Variants in MICU1 observed in about 807,000 individuals in gnomAD.
The protein encoded by MICU1 is mitochondrial calcium uptake 1, also known as calcium uptake protein 1, mitochondrial.
A neutral mutation model predicts 56.8 loss-of-function variants in MICU1; 45 were observed. The ratio of observed to expected loss-of-function variants is 0.79; its 90% CI spans 0.62 to 1.02. MICU1 has a LOEUF of 1.02. Ranked by LOEUF, MICU1 falls within the 50% of genes least tolerant of loss-of-function variation. The pLI is 0.00. For synonymous variants in MICU1, 186 were observed against 195.1 expected (o/e 0.95, Z 0.39); for missense variants, 504 against 587.1 (o/e 0.86, Z 1.46).
At chr10:72,535,141 T>C (rs1400204217) in intron 4 of MICU1, among the ~76,000 whole-genome samples, 1 of 151,718 alleles carries the variant, frequency 6.6e-6, no homozygotes, top group East Asian at 1.9e-4. Flanking sequence ...GTGATTCTCC[T>C]GCCTCGGCCT....
chr10:72,581,694 C>CA (rs1421555795), intron 1 of MICU1, among the ~76,000 whole-genome samples: 2 of 152,120 alleles, frequency 1.3e-5, no homozygotes, highest in African/African-American at 2.4e-5. Context: ...AGAGTAAATA[C>CA]AAAAAACTTA....
chr10:72,547,957 A>G (rs367551257), intron 4 of MICU1, among the ~76,000 whole-genome samples: 2 of 152,238 alleles, frequency 1.3e-5, no homozygotes, highest in South Asian at 4.1e-4. Flanking sequence ...GAAACCATGT[A>G]GTCTGTATAT....
intron 1 of MICU1, among the ~76,000 whole-genome samples, chr10:72,622,218 C>G (rs1470827577): frequency 6.7e-6 from 1 of 149,822 alleles, no homozygotes; most frequent in Non-Finnish European, 1.5e-5. Flanking sequence ...CCACCGCGCC[C>G]GGCCCCAAGT....
intron 8 of MICU1, among the ~76,000 whole-genome samples, chr10:72,442,268 G>C (rs1394500773): frequency 1.3e-5 from 2 of 152,000 alleles, no homozygotes; most frequent in African/African-American, 4.8e-5. Context: ...TCAGCCTCCT[G>C]AGTAGCTGGG....
At chr10:72,380,002 T>C (rs1862647252) in intron 10 of MICU1, among the ~76,000 whole-genome samples, 1 of 152,174 alleles carries the variant, frequency 6.6e-6, no homozygotes, top group South Asian at 2.1e-4. Flanking sequence ...ATGAGTGGGA[T>C]GACGGCAGAT....
In MICU1 at chr10:72,546,228, T is replaced by C. The variant is rs1461916765; in HGVS notation, c.493+4951A>G. On this transcript the variant is annotated intron_variant, in intron 4 of 11. Transcript: ENST00000361114. ...CATCAATGACTAAAGTTTCGGTCAA[T>C]CTCTCCATTGAGATGACCAAAAGAG... Among the ~76,000 whole-genome samples, 4 of 152,202 alleles carry C rather than the reference T, an allele frequency of 2.6e-5. No individual in the cohort carries two copies. The East Asian group carries it at 7.7e-4, about 29-fold the overall frequency.
intron 10 of MICU1, among the ~76,000 whole-genome samples, chr10:72,401,128 C>T (rs866649204): frequency 1.5e-4 from 23 of 151,762 alleles, no homozygotes; most frequent in South Asian, 1.5e-3. Flanking sequence ...AACAAACAGA[C>T]GCTATTTTAA....
intron 1 of MICU1, among the ~76,000 whole-genome samples, chr10:72,577,441 G>A (rs1293910027): frequency 1.3e-5 from 2 of 151,716 alleles, no homozygotes; most frequent in East Asian, 3.9e-4. Flanking sequence ...CCCGGGAGGC[G>A]GAGGTTGTGA....
In MICU1 at chr10:72,566,737, C is replaced by T; in HGVS notation, c.57G>A (p.Trp19Ter). ...GGATGGGCTGTGATCCTCCATGGTA[C>T]CATCGAGAACCCACAGCCAGTTCTG... ...ALAELAVGSR[W>*]YHGGSQPIQI... The change falls in exon 2 of 12, where the codon TGG becomes TGA. Residue 19 changes from tryptophan to a stop codon, truncating the protein, a stop_gained. Coordinates refer to ENST00000361114, the MANE Select transcript of MICU1 (RefSeq NM_001195518.2). LOFTEE classifies it high-confidence loss of function. 6.2e-7 allele frequency: 1 copy of T among 1,612,728 alleles called. No individual in the cohort carries two copies. Among genetic ancestry groups the T allele is most frequent in the Non-Finnish European group, 8.5e-7 (1 of 1,179,378 alleles).
At chr10:72,487,134 G>A (rs1053842303) in intron 6 of MICU1, among the ~76,000 whole-genome samples, 4 of 152,126 alleles carry the variant, frequency 2.6e-5, no homozygotes, top group African/African-American at 4.8e-5. Context: ...GGGATGAGAC[G>A]ATGTTGAAGA....
chr10:72,480,996 G>A (rs1866276646), intron 6 of MICU1, among the ~76,000 whole-genome samples: 1 of 152,222 alleles, frequency 6.6e-6, no homozygotes, highest in South Asian at 2.1e-4. Context: ...GAGCAACTGA[G>A]AGTGCTTGTT....
chr10:72,434,776 G>T (rs1221302904), intron 8 of MICU1, among the ~76,000 whole-genome samples: 1 of 152,124 alleles, frequency 6.6e-6, no homozygotes, highest in East Asian at 1.9e-4. Context: ...GAGCACTCTG[G>T]GATCTACTGC....
intron 3 of MICU1, among the ~76,000 whole-genome samples, chr10:72,561,162 T>G (rs1321672300): frequency 6.6e-6 from 1 of 152,226 alleles, no homozygotes; most frequent in African/African-American, 2.4e-5. Context: ...TTTGTAACTA[T>G]AAGGGTTGGA....
At chr10:72,419,773 T>C (rs1037121292) in intron 9 of MICU1, among the ~76,000 whole-genome samples, 1 of 152,216 alleles carries the variant, frequency 6.6e-6, no homozygotes, top group Non-Finnish European at 1.5e-5. Context: ...CTAATGACTA[T>C]GGGAACCTCT....
intron 8 of MICU1, among the ~76,000 whole-genome samples, chr10:72,440,428 C>T (rs1209044026): frequency 1.3e-5 from 2 of 152,170 alleles, no homozygotes; most frequent in African/African-American, 2.4e-5. Context: ...AAATGTTAGA[C>T]CTAAAACCAC....
intron 11 of MICU1, among the ~76,000 whole-genome samples, chr10:72,372,717 C>T (rs1184538941): frequency 6.6e-6 from 1 of 151,858 alleles, no homozygotes; most frequent in Non-Finnish European, 1.5e-5. Context: ...TGGTGGGCGC[C>T]TGTGATCCCA....
At position 72,495,649 on chromosome 10, in the gene MICU1, C is replaced by T. The variant is rs1866813198; in HGVS notation, c.652+12506G>A. Among the ~76,000 whole-genome samples the T allele has an allele frequency of 3.4e-5, 4 of 116,916 alleles. No individual in the cohort carries two copies. The South Asian group carries it at 8.5e-4, about 25-fold the overall frequency. 76.7% of individuals were successfully genotyped at this position (116,916 alleles called of 152,430 possible). On this transcript the variant is annotated intron_variant, in intron 6 of 11. Coordinates refer to ENST00000361114, the MANE Select transcript of MICU1 (RefSeq NM_001195518.2). ...CAGCCTGGGCAACAAGAGTGAACCT[C>T]TGTCTCAAAAAAAAAAAAAAAAAAA...
chr10:72,382,073 T>A (rs1862728340), intron 10 of MICU1, among the ~76,000 whole-genome samples: 1 of 150,976 alleles, frequency 6.6e-6, no homozygotes, highest in Non-Finnish European at 1.5e-5. Flanking sequence ...TGGGAAATAA[T>A]GGAATAGTGT....
intron 1 of MICU1, among the ~76,000 whole-genome samples, chr10:72,612,093 T>C (rs947932742): frequency 2.0e-5 from 3 of 151,686 alleles, no homozygotes; most frequent in African/African-American, 4.8e-5. Flanking sequence ...CCTTTCCTAA[T>C]TGTCTTCCTA....
Sources: allele counts gnomAD v4.1 joint callset (sites outside exome capture counted in the v4.1 genomes callset), GRCh38; gene constraint gnomAD v4.1.1; transcripts MANE v1.5; gene names NCBI Gene and HGNC (gene_info 2026-07-23, HGNC 2026-07-21).